ARFGAP1: variants seen among roughly 807,000 people sequenced by gnomAD.
ARFGAP1 encodes ADP-ribosylation factor GTPase-activating protein 1.
Under a neutral mutation model 54.0 loss-of-function variants are expected in ARFGAP1, and 26 were observed. That is an observed-to-expected ratio of 0.48 (90% CI 0.35 to 0.67). The LOEUF is 0.67. Ranked by LOEUF, ARFGAP1 falls within the 30% of genes least tolerant of loss-of-function variation. The probability of loss-of-function intolerance (pLI) is 0.00; values close to 1 mark genes in which losing one functional copy is unlikely to be tolerated. For missense variants in ARFGAP1, 525 were observed against 535.8 expected, an observed-to-expected ratio of 0.98 and a Z score of 0.20; for synonymous variants, 248 against 211.9, an observed-to-expected ratio of 1.17 and a Z score of -1.48.
rs775378743 is a variant in ARFGAP1 at position 63,275,657 on chromosome 20, C to A, written c.60+17C>A. ...GAGAACAACGTAAGCCTCTGCCCCC[C>A]ACCCCCCGCCCTAAGGCTTGGTCAG... On this transcript the variant is annotated intron_variant, in intron 2 of 12. Coordinates refer to ENST00000370283, the MANE Select transcript of ARFGAP1 (RefSeq NM_018209.4). 9.2e-5 allele frequency: 148 copies of A among 1,611,204 alleles called. 1 individual carries two copies. Among genetic ancestry groups the A allele is most frequent in the South Asian group, 9.0e-4 (82 of 91,028 alleles).
chr20:63,281,368 T>C, intron 8 of ARFGAP1, 21 bp downstream of exon 8: 1 of 1,583,774 alleles, frequency 6.3e-7, no homozygotes, highest in Non-Finnish European at 8.5e-7. Context: ...GCCCCTGCCA[T>C]GCCACCGTCC....
chr20:63,274,448 C>G (rs2067185040), intron 1 of ARFGAP1, among the ~76,000 whole-genome samples: 1 of 151,964 alleles, frequency 6.6e-6, no homozygotes, highest in Non-Finnish European at 1.5e-5. Context: ...CTGGTCTACA[C>G]AGTCCTCTTA....
chr20:63,281,841 GGA>G (rs1459178029), intron 8 of ARFGAP1, among the ~76,000 whole-genome samples: 1 of 152,168 alleles, frequency 6.6e-6, no homozygotes, highest in Non-Finnish European at 1.5e-5. Flanking sequence ...ACACCAGGAT[GGA>G]GCATGGGCCC....
At chr20:63,280,245 AG>A (rs1311396320) in intron 7 of ARFGAP1, among the ~76,000 whole-genome samples, 1 of 152,202 alleles carries the variant, frequency 6.6e-6, no homozygotes, top group Non-Finnish European at 1.5e-5. Flanking sequence ...TTGCGCTGAG[AG>A]CCAAGGAAGG....
Position 63,286,434 on chromosome 20 carries a change from C to T in ARFGAP1, c.903C>T (p.Pro301=), listed in dbSNP as rs766259626. The T allele has an allele frequency of 2.9e-5, 46 of 1,613,268 alleles. No homozygotes were observed. In the Admixed American group the frequency reaches 7.2e-4, roughly 25 times the overall value. Residue 301 remains proline (P), a synonymous_variant, in exon 12 of 13, where the codon CCC becomes CCT. Transcript: ENST00000370283. The stretch of plus-strand genomic sequence containing the variant: ...TTTTTTCGGGGAAAGCAGAGGGCCC[C>T]TTGGACAGGTATGCTGTGTCCCCTC... ...TTFFSGKAEG[P]LDSPSEGHSY...
intron 6 of ARFGAP1, 106 bp from the exon 7 acceptor site, chr20:63,278,793 G>A: frequency 2.0e-6 from 2 of 987,968 alleles, no homozygotes; most frequent in Non-Finnish European, 3.1e-6. Context: ...GGGGACGTTG[G>A]CACGTCCCCC....
At chr20:63,282,743 G>A (rs1402039971) in intron 8 of ARFGAP1, 76 bp from the exon 9 acceptor site, 1 of 1,521,164 alleles carries the variant, frequency 6.6e-7, no homozygotes, top group Non-Finnish European at 9.1e-7. Context: ...CTGGACCTGA[G>A]TCTGTGGGCC....
intron 7 of ARFGAP1, among the ~76,000 whole-genome samples, chr20:63,280,816 A>G (rs190651378): frequency 1.3e-5 from 2 of 152,316 alleles, no homozygotes; most frequent in Admixed American, 1.3e-4. Flanking sequence ...GAAGAGGGTG[A>G]GTTGTGATTG....
chr20:63,287,840 C>T lies in ARFGAP1; in HGVS notation c.1188C>T (p.Pro396=), dbSNP rs200764438. 6.4e-6 allele frequency: 10 copies of T among 1,567,574 alleles called. No individual in the cohort carries two copies. Among genetic ancestry groups the T allele is most frequent in the Non-Finnish European group, 7.8e-6 (9 of 1,156,594 alleles). The change falls in exon 13 of 13, where the codon CCC becomes CCT. Residue 396 remains proline, a synonymous_variant. Coordinates refer to ENST00000370283, the MANE Select transcript of ARFGAP1 (RefSeq NM_018209.4). The stretch of plus-strand genomic sequence containing the variant: ...AGAAGGCAGTGCCGCCGGCCGTGCC[C>T]ACTGATGATGGCTGGGACAACCAGA... ...GTKKAVPPAV[P]TDDGWDNQNW
intron 9 of ARFGAP1, chr20:63,283,339 G>T (rs532314705): frequency 9.8e-6 from 2 of 203,782 alleles, no homozygotes; most frequent in East Asian, 2.6e-4. Flanking sequence ...TAGGATGTGG[G>T]TAGGGGCCCC....
Position 63,281,361 on chromosome 20 carries a change from C to T in ARFGAP1, c.684+14C>T, listed in dbSNP as rs571333981. The T allele has an allele frequency of 2.5e-5, 40 of 1,590,314 alleles. No homozygotes were observed. In the African/African-American group the frequency reaches 2.8e-4, roughly 11 times the overall value. On this transcript the variant is annotated intron_variant, in intron 8 of 12. Coordinates refer to ENST00000370283, the MANE Select transcript of ARFGAP1 (RefSeq NM_018209.4). ...GCCAAGGAGGGCGTAAGTCACTGCC[C>T]CTGCCATGCCACCGTCCCCACCAGG...
intron 11 of ARFGAP1, chr20:63,286,035 G>A (rs550316497): frequency 4.0e-5 from 62 of 1,547,162 alleles, no homozygotes; most frequent in South Asian, 6.0e-5. Flanking sequence ...CATTTGGGGC[G>A]TGCATTTTGT....
At chr20:63,285,599 C>T in intron 10 of ARFGAP1, 55 bp from the exon 11 acceptor site, 1 of 1,578,766 alleles carries the variant, frequency 6.3e-7, no homozygotes, top group Non-Finnish European at 8.7e-7. Context: ...ACTCCTGAAG[C>T]TTTAAGCTTT....
rs115719533 is a variant in ARFGAP1 at position 63,282,987 on chromosome 20, G to A, written c.717+136G>A. On this transcript the variant is annotated intron_variant, in intron 9 of 12. Transcript: ENST00000370283. ...GAGCTGAGGGGTCCCAGCGTAGAAG[G>A]GGGTGTTCCTGCCATGCTGTTCCCC... The A allele has an allele frequency of 6.3e-4, 610 of 965,640 alleles. 8 individuals carry two copies. The African/African-American group carries it at 9.2e-3, about 15-fold the overall frequency. The allele number at this position is 965,640 out of a possible 1,614,324, so 59.8% of individuals were successfully genotyped here.
chr20:63,286,333 G>T (rs752123511), intron 11 of ARFGAP1, 33 bp from the exon 12 acceptor site: 6 of 1,610,378 alleles, frequency 3.7e-6, no homozygotes, highest in South Asian at 3.3e-5. Context: ...CCGCGACAGG[G>T]CCTGCCTAAC....
At chr20:63,281,479 C>T in intron 8 of ARFGAP1, 132 bp downstream of exon 8, 1 of 1,147,566 alleles carries the variant, frequency 8.7e-7, no homozygotes, top group South Asian at 1.4e-5. Flanking sequence ...TAACCATGGG[C>T]TGTGCCAACG....
intron 10 of ARFGAP1, among the ~76,000 whole-genome samples, chr20:63,285,208 C>A (rs1287982474): frequency 2.0e-5 from 3 of 151,970 alleles, no homozygotes; most frequent in Non-Finnish European, 4.4e-5. Flanking sequence ...CCCCAGAGCC[C>A]AGCACCCCCA....
At chr20:63,286,300 G>A (rs1174411050) in intron 11 of ARFGAP1, 66 bp from the exon 12 acceptor site, 1 of 1,602,158 alleles carries the variant, frequency 6.2e-7, no homozygotes, top group Admixed American at 1.7e-5. Flanking sequence ...CTTGCGTGTG[G>A]GGGCCTCCTG....
chr20:63,278,744 C>T (rs2067299539), intron 6 of ARFGAP1, among the ~76,000 whole-genome samples, 155 bp from the exon 7 acceptor site: 1 of 136,240 alleles, frequency 7.3e-6, no homozygotes, highest in Non-Finnish European at 1.7e-5. Flanking sequence ...AAGCACATCT[C>T]TCTGCTGCCA....
Sources: allele counts gnomAD v4.1 joint callset (sites outside exome capture counted in the v4.1 genomes callset), GRCh38; gene constraint gnomAD v4.1.1; transcripts MANE v1.5; gene names NCBI Gene and HGNC (gene_info 2026-07-23, HGNC 2026-07-21).